Variants in PTPN3 observed in about 807,000 individuals in gnomAD.
The protein encoded by PTPN3 is tyrosine-protein phosphatase non-receptor type 3.
A neutral mutation model predicts 132.7 loss-of-function variants in PTPN3; 96 were observed. That is an observed-to-expected ratio of 0.72 (90% CI 0.61 to 0.86). The LOEUF is 0.86. Among genes scored for constraint, PTPN3 ranks in the 40% least tolerant of loss-of-function variants. PTPN3 has a pLI of 0.00. For missense variants in PTPN3, 1,125 were observed against 1,159.6 expected, an observed-to-expected ratio of 0.97 and a Z score of 0.43; for synonymous variants, 398 against 429.0, an observed-to-expected ratio of 0.93 and a Z score of 0.89.
At position 109,406,544 on chromosome 9, in the gene PTPN3, G is replaced by A. The variant is rs1841581469; in HGVS notation, c.1710C>T (p.His570=). The change falls in exon 18 of 26, where the codon CAC becomes CAT. Residue 570 remains histidine (H), a synonymous_variant. Coordinates refer to ENST00000374541, the MANE Select transcript of PTPN3 (RefSeq NM_002829.4). ...TGAACATCACCACTTGGTCATGCGTGTGTTCTGAGATGTCCCGGCCATTGA... is the reference window on the plus strand; with the variant it reads ...TGAACATCACCACTTGGTCATGCGTATGTTCTGAGATGTCCCGGCCATTGA... ...VLINGRDISE[H]THDQVVMFIK... 4.3e-6 allele frequency: 7 copies of A among 1,614,060 alleles called. No individual in the cohort carries two copies. Among genetic ancestry groups the A allele is most frequent in the African/African-American group, 1.3e-5 (1 of 74,922 alleles).
intron 1 of PTPN3, among the ~76,000 whole-genome samples, chr9:109,488,358 C>T (rs935125120): frequency 6.6e-6 from 1 of 152,100 alleles, no homozygotes; most frequent in Non-Finnish European, 1.5e-5. Context: ...CCTCTGCCTC[C>T]CAAAGTGCTA....
At chr9:109,411,397 C>T (rs1459307220) in intron 14 of PTPN3, among the ~76,000 whole-genome samples, 2 of 152,140 alleles carry the variant, frequency 1.3e-5, no homozygotes, top group Admixed American at 6.6e-5. Context: ...CTTCCAAGAC[C>T]CCTATTTCTA....
At chr9:109,438,874 G>A (rs892390285) in intron 7 of PTPN3, among the ~76,000 whole-genome samples, 1 of 152,192 alleles carries the variant, frequency 6.6e-6, no homozygotes. Flanking sequence ...AAGTTCCTAG[G>A]GAGAAAGACA....
intron 14 of PTPN3, among the ~76,000 whole-genome samples, chr9:109,414,790 AT>A (rs1380944140): frequency 6.6e-6 from 1 of 152,220 alleles, no homozygotes; most frequent in Non-Finnish European, 1.5e-5. Context: ...TCTGAGGAGA[AT>A]TTCTCATTGA....
At chr9:109,396,345 A>G (rs1482986402) in intron 19 of PTPN3, among the ~76,000 whole-genome samples, 2 of 152,234 alleles carry the variant, frequency 1.3e-5, no homozygotes, top group African/African-American at 4.8e-5. Flanking sequence ...GATATTGGCC[A>G]GAGTATGAGA....
At chr9:109,492,017 G>C (rs1285692381) in intron 1 of PTPN3, among the ~76,000 whole-genome samples, 1 of 152,240 alleles carries the variant, frequency 6.6e-6, no homozygotes, top group Non-Finnish European at 1.5e-5. Context: ...GCTGCTTTCA[G>C]AGAAGCATCA....
chr9:109,449,621 ACTT>A, intron 5 of PTPN3: 1 of 985,338 alleles, frequency 1.0e-6, no homozygotes, highest in Non-Finnish European at 1.2e-6. Flanking sequence ...CCCTGGGGAG[ACTT>A]CTATTTAGGG....
At chr9:109,533,842 C>G in the PTPN3 span, 3 of 845,248 alleles carry the variant, frequency 3.5e-6, no homozygotes, top group Non-Finnish European at 6.0e-6. Flanking sequence ...TCTCGCTATT[C>G]TGGTAGTTTT....
chr9:109,473,592 A>C (rs1347796227), intron 1 of PTPN3, among the ~76,000 whole-genome samples: 1 of 152,218 alleles, frequency 6.6e-6, no homozygotes, highest in Non-Finnish European at 1.5e-5. Flanking sequence ...TATAAAGAGA[A>C]ACCAATCTCT....
chr9:109,488,417 C>T (rs1289073788), intron 1 of PTPN3, among the ~76,000 whole-genome samples: 1 of 152,108 alleles, frequency 6.6e-6, no homozygotes, highest in Non-Finnish European at 1.5e-5. Flanking sequence ...CATTTTTAAG[C>T]AGTAAAATCT....
At chr9:109,499,182 A>T (rs769410622), upstream of PTPN3, among the ~76,000 whole-genome samples, 1 of 151,820 alleles carries the variant, frequency 6.6e-6, no homozygotes, top group African/African-American at 2.4e-5. Context: ...ACTATGCATT[A>T]TATTAGAAAG....
chr9:109,506,794 G>A, the PTPN3 span, among the ~76,000 whole-genome samples: 335 of 151,978 alleles, frequency 2.2e-3, 1 homozygote, highest in African/African-American at 7.5e-3. Context: ...GTAGAGATGG[G>A]GTTTTGCCTT....
intron 14 of PTPN3, among the ~76,000 whole-genome samples, chr9:109,418,339 G>A (rs1842669122): frequency 6.6e-6 from 1 of 152,220 alleles, no homozygotes; most frequent in Non-Finnish European, 1.5e-5. Flanking sequence ...GTGCCTGCAT[G>A]TCATTGGACA....
chr9:109,391,639 C>T (rs1410202678), intron 19 of PTPN3, 78 bp from the exon 20 acceptor site: 2 of 1,180,586 alleles, frequency 1.7e-6, no homozygotes, highest in Non-Finnish European at 2.4e-6. Flanking sequence ...TTATCATTCA[C>T]AGTACCAAAA....
chr9:109,525,096 G>A, the PTPN3 span, among the ~76,000 whole-genome samples: 1 of 151,802 alleles, frequency 6.6e-6, no homozygotes, highest in Non-Finnish European at 1.5e-5. Context: ...CCTGGGCTGA[G>A]GTGCAGTGGC....
rs769293135 is a variant in PTPN3 at position 109,457,206 on chromosome 9, C to G, written c.256G>C (p.Glu86Gln). 1 of 1,613,984 alleles carries G rather than the reference C, an allele frequency of 6.2e-7. No homozygotes were observed. The highest frequency in any genetic ancestry group is 1.7e-5 in the Admixed American group (1 of 60,012). ...DDSVDSPRWLEASKAIRKQLK... is the reference protein window; with the variant it reads ...DDSVDSPRWLQASKAIRKQLK... ...TGCTTCCTGATGGCTTTGCTTGCTT[C>G]CAGCCATCTCTGTTGGACAAGAAAA... Residue 86 changes from glutamate to glutamine, a missense_variant, in exon 4 of 26, where the codon GAA becomes CAA. By Grantham distance (29) the Glu-to-Gln change is conservative. Transcript: ENST00000374541.
intron 5 of PTPN3, among the ~76,000 whole-genome samples, chr9:109,453,946 C>T (rs962280853): frequency 6.6e-6 from 1 of 151,668 alleles, no homozygotes; most frequent in Non-Finnish European, 1.5e-5. Flanking sequence ...ACCTGGGAGG[C>T]GGAGGTTGCA....
intron 5 of PTPN3, chr9:109,451,037 TTTTTTAA>T (rs61112054): frequency 0.35 from 337,206 of 960,808 alleles, 61,080 homozygotes; most frequent in African/African-American, 0.52. Flanking sequence ...TATTTTTCAT[TTTTTTAA>T]TTTTTAATTT....
Position 109,379,601 on chromosome 9 carries a change from A to G in PTPN3, c.2697T>C (p.Leu899=), listed in dbSNP as rs749529265. Residue 899 remains leucine (L), a synonymous_variant, in exon 26 of 26, where the codon CTT becomes CTC. Coordinates refer to ENST00000374541, the MANE Select transcript of PTPN3 (RefSeq NM_002829.4). ...GGACTAAACCTTCTTCATACACACG[A>G]AGAATCGCTTCACACACAAACTTGT... ...SQYKFVCEAI[L]RVYEEGLVQM... 2 of 1,614,172 alleles carry G rather than the reference A, an allele frequency of 1.2e-6. No individual in the cohort carries two copies. The highest frequency in any genetic ancestry group is 8.5e-7 in the Non-Finnish European group (1 of 1,180,010).
Sources: allele counts gnomAD v4.1 joint callset (sites outside exome capture counted in the v4.1 genomes callset), GRCh38; gene constraint gnomAD v4.1.1; transcripts MANE v1.5; gene names NCBI Gene and HGNC (gene_info 2026-07-23, HGNC 2026-07-21).